The following HAPLN1 variants were observed in gnomAD, a reference collection of about 807,000 sequenced individuals.
HAPLN1 encodes Cartilage link protein.
In HAPLN1, 13 loss-of-function variants were observed where a neutral mutation model predicts 36.5. The observed-to-expected ratio is 0.36, with a 90% confidence interval of 0.23 to 0.57. The LOEUF (loss-of-function observed/expected upper bound fraction) is 0.57. Ranked by LOEUF, HAPLN1 falls within the 20% of genes least tolerant of loss-of-function variation. HAPLN1 has a pLI of 0.83. For missense variants in HAPLN1, 407 were observed against 439.7 expected (o/e 0.93, Z 0.66); for synonymous variants, 202 against 169.8 (o/e 1.19, Z -1.48).
intron 1 of HAPLN1, among the ~76,000 whole-genome samples, chr5:83,681,773 T>C (rs1154893): frequency 0.41 from 62,339 of 151,772 alleles, 13,208 homozygotes; most frequent in African/African-American, 0.49. Context: ...TATTATAATG[T>C]ACAAACAAAA....
chr5:83,696,121 A>G (rs1484119030), intron 1 of HAPLN1, among the ~76,000 whole-genome samples: 1 of 152,176 alleles, frequency 6.6e-6, no homozygotes, highest in Non-Finnish European at 1.5e-5. Flanking sequence ...ATTTTTATAC[A>G]CTGGCAATGA....
intron 1 of HAPLN1, among the ~76,000 whole-genome samples, chr5:83,707,814 T>C (rs1475644266): frequency 6.6e-6 from 1 of 151,976 alleles, no homozygotes; most frequent in Non-Finnish European, 1.5e-5. Context: ...TGGGAGAAAA[T>C]GTTTGCAAAC....
At chr5:83,683,136 C>T (rs1751045343) in intron 1 of HAPLN1, among the ~76,000 whole-genome samples, 1 of 152,020 alleles carries the variant, frequency 6.6e-6, no homozygotes, top group African/African-American at 2.4e-5. Flanking sequence ...ACAATATGGG[C>T]ACTATTGTCC....
intron 3 of HAPLN1, among the ~76,000 whole-genome samples, chr5:83,651,789 T>A (rs989621740): frequency 6.6e-6 from 1 of 152,118 alleles, no homozygotes; most frequent in African/African-American, 2.4e-5. Context: ...GGGTGGACAT[T>A]GGGCAGAGGG....
At chr5:83,655,589 C>A (rs13155729) in intron 2 of HAPLN1, among the ~76,000 whole-genome samples, 36,558 of 151,678 alleles carry the variant, frequency 0.24, 4,463 homozygotes, top group East Asian at 0.3. Flanking sequence ...ATTCAAAGAA[C>A]CCTAGCAAAG....
At chr5:83,646,930 A>T (rs1749894825) in intron 3 of HAPLN1, among the ~76,000 whole-genome samples, 1 of 152,252 alleles carries the variant, frequency 6.6e-6, no homozygotes, top group South Asian at 2.1e-4. Flanking sequence ...ATCTCAAAGT[A>T]TCTCAACCTG....
chr5:83,687,241 T>C (rs1392405786), intron 1 of HAPLN1, among the ~76,000 whole-genome samples: 1 of 152,184 alleles, frequency 6.6e-6, no homozygotes. Flanking sequence ...CAGTATATAG[T>C]GAATGGCCTA....
At chr5:83,675,032 A>G (rs771812806) in intron 1 of HAPLN1, among the ~76,000 whole-genome samples, 17 of 152,194 alleles carry the variant, frequency 1.1e-4, no homozygotes, top group Middle Eastern at 3.2e-3. Flanking sequence ...TCAAAATTCT[A>G]CCTGATTTAC....
intron 1 of HAPLN1, among the ~76,000 whole-genome samples, chr5:83,694,295 A>G (rs903818481): frequency 2.0e-5 from 3 of 152,048 alleles, no homozygotes; most frequent in African/African-American, 7.2e-5. Flanking sequence ...CAGTGAAGCA[A>G]TACTTAGTTT....
In HAPLN1 at chr5:83,640,419, C is replaced by T. The variant is rs1749649302; in HGVS notation, c.*1077G>A. On this transcript the variant is annotated 3_prime_UTR_variant, in exon 5 of 5. Transcript: ENST00000274341. ...TAGAACTACACTGTTGACTTTTCCC[C>T]CCAAACACAGGCACTGGTTGGGTTC... 6.6e-6 allele frequency: 1 copy of T among 151,978 alleles called. No individual in the cohort carries two copies. Among genetic ancestry groups the T allele is most frequent in the Non-Finnish European group, 1.5e-5 (1 of 67,968 alleles). The allele number at this position is 151,978 out of a possible 1,614,324, so 9.4% of individuals were successfully genotyped here.
At chr5:83,706,632 T>C (rs1032350745) in intron 1 of HAPLN1, among the ~76,000 whole-genome samples, 1 of 152,198 alleles carries the variant, frequency 6.6e-6, no homozygotes, top group Admixed American at 6.5e-5. Flanking sequence ...TTATACTGAA[T>C]GGGCAAAAGC....
At chr5:83,677,338 T>C (rs1750883277) in intron 1 of HAPLN1, among the ~76,000 whole-genome samples, 1 of 152,200 alleles carries the variant, frequency 6.6e-6, no homozygotes, top group Admixed American at 6.5e-5. Flanking sequence ...ACCATTACCA[T>C]TGTCGTGGGT....
chr5:83,712,034 C>T (rs1751796232), intron 1 of HAPLN1, among the ~76,000 whole-genome samples: 1 of 152,128 alleles, frequency 6.6e-6, no homozygotes, highest in Non-Finnish European at 1.5e-5. Context: ...AAAATATTTG[C>T]ATTACATACT....
chr5:83,692,541 C>T (rs1443892778), intron 1 of HAPLN1, among the ~76,000 whole-genome samples: 1 of 151,766 alleles, frequency 6.6e-6, no homozygotes, highest in Non-Finnish European at 1.5e-5. Context: ...AAATATGTCT[C>T]ATAGACAAAG....
intron 3 of HAPLN1, among the ~76,000 whole-genome samples, chr5:83,646,727 T>G (rs1749888542): frequency 6.6e-6 from 1 of 152,192 alleles, no homozygotes; most frequent in Non-Finnish European, 1.5e-5. Context: ...CTGGAGATGG[T>G]TCTATCTAAG....
intron 1 of HAPLN1, among the ~76,000 whole-genome samples, chr5:83,687,181 T>C (rs1751147858): frequency 1.3e-5 from 2 of 152,120 alleles, no homozygotes; most frequent in South Asian, 4.1e-4. Flanking sequence ...TCAGTGCTGG[T>C]GTAGTCAAAA....
intron 2 of HAPLN1, among the ~76,000 whole-genome samples, chr5:83,658,917 G>A (rs1750301621): frequency 6.6e-6 from 1 of 152,140 alleles, no homozygotes; most frequent in African/African-American, 2.4e-5. Flanking sequence ...AAGGAAGACG[G>A]TAAGAAAGGT....
intron 1 of HAPLN1, chr5:83,703,624 C>T (rs1054551015): frequency 6.6e-6 from 1 of 151,998 alleles, no homozygotes; most frequent in Non-Finnish European, 1.5e-5. Flanking sequence ...ATAAGACAGT[C>T]AGACTTATGA....
At chr5:83,697,658 G>A (rs571924560) in intron 1 of HAPLN1, among the ~76,000 whole-genome samples, 2 of 152,234 alleles carry the variant, frequency 1.3e-5, no homozygotes, top group South Asian at 4.1e-4. Flanking sequence ...CCATGCATGA[G>A]GGTTCCAATT....
Sources: gnomAD v4.1 joint callset for allele counts (sites outside exome capture counted in the v4.1 genomes callset) on GRCh38, gnomAD v4.1.1 for gene constraint, MANE v1.5 for transcripts, NCBI Gene and HGNC (gene_info 2026-07-23, HGNC 2026-07-21) for gene names.